Variants in PLA2G12B observed in about 807,000 individuals in gnomAD.
PLA2G12B encodes phospholipase A2 group XIIB.
PLA2G12B carries 19 observed loss-of-function variants against 22.3 expected under a neutral mutation model. The ratio of observed to expected loss-of-function variants is 0.85; its 90% CI spans 0.60 to 1.25. The LOEUF is 1.25. Among genes scored for constraint, PLA2G12B ranks in the 50% most tolerant of loss-of-function variants. PLA2G12B has a pLI of 0.00. For missense variants in PLA2G12B, 191 were observed against 246.6 expected (o/e 0.77, Z 1.51); for synonymous variants, 81 against 94.9 (o/e 0.85, Z 0.85).
chr10:72,954,371 T>C (rs1846582042), intron 1 of PLA2G12B, 104 bp downstream of exon 1: 1 of 1,409,670 alleles, frequency 7.1e-7, no homozygotes, highest in Non-Finnish European at 9.9e-7. Flanking sequence ...CTGGCAGCTC[T>C]AAGTGGATAA....
At chr10:72,947,895 C>T (rs974401016) in intron 1 of PLA2G12B, among the ~76,000 whole-genome samples, 1 of 152,130 alleles carries the variant, frequency 6.6e-6, no homozygotes, top group Admixed American at 6.6e-5. Flanking sequence ...TCTCTTCTTA[C>T]GAGGACACTA....
chr10:72,942,693 C>A lies in PLA2G12B; in HGVS notation c.259G>T (p.Gly87Cys), dbSNP rs1382776553. ...RPGYKPQEPN[G>C]CGSYFLGLKV... ...AGACCCAGGAAATAGGAGCCGCAGC[C>A]ATTGGGCTCTTGGGGCTTGTAGCCA... Residue 87 changes from glycine (G) to cysteine (C), a missense_variant, in exon 2 of 4, where the codon GGC becomes TGC. Physicochemically the swap from Gly to Cys is radical, Grantham distance 159 (BLOSUM62 -3). Transcript: ENST00000373032. 2 of 1,608,702 alleles carry A rather than the reference C, an allele frequency of 1.2e-6. No individual in the cohort carries two copies. Among genetic ancestry groups the A allele is most frequent in the Admixed American group, 1.7e-5 (1 of 59,492 alleles).
intron 3 of PLA2G12B, among the ~76,000 whole-genome samples, chr10:72,937,390 AG>A (rs1270053738): frequency 2.0e-5 from 3 of 152,226 alleles, no homozygotes; most frequent in Non-Finnish European, 4.4e-5. Flanking sequence ...TACTAACCCA[AG>A]CTCGTGATTT....
intron 1 of PLA2G12B, among the ~76,000 whole-genome samples, chr10:72,953,913 C>T (rs1297626797): frequency 6.6e-6 from 1 of 152,218 alleles, no homozygotes; most frequent in Non-Finnish European, 1.5e-5. Flanking sequence ...GAAAGTCCAG[C>T]AAATTGATGC....
chr10:72,948,041 A>T (rs1589544902), intron 1 of PLA2G12B, among the ~76,000 whole-genome samples: 1 of 152,164 alleles, frequency 6.6e-6, no homozygotes, highest in East Asian at 1.9e-4. Flanking sequence ...CGCCCGGCTA[A>T]TTTTTTGTGT....
At position 72,935,161 on chromosome 10, in the gene PLA2G12B, A is replaced by T. The variant is rs1788425579; in HGVS notation, c.*456T>A. The T allele has an allele frequency of 6.5e-6, 1 of 154,798 alleles. No homozygotes were observed. The highest frequency in any genetic ancestry group is 6.5e-5 in the Admixed American group (1 of 15,436). The allele number at this position is 154,798 out of a possible 1,614,324, so 9.6% of individuals were successfully genotyped here. A position where few individuals can be genotyped will look rare whatever the true frequency, so the allele number is the denominator to read the frequency against. ...ATGGAAGCACATTGGTGATAATGGA[A>T]TTCATTCATCTCTTTCCAAATGTTC... is the stretch of plus-strand genomic sequence containing the variant. On this transcript the variant is annotated 3_prime_UTR_variant, in exon 4 of 4. Coordinates refer to ENST00000373032, the MANE Select transcript of PLA2G12B (RefSeq NM_032562.5).
chr10:72,943,212 C>T (rs971754704), intron 1 of PLA2G12B, among the ~76,000 whole-genome samples: 35 of 152,264 alleles, frequency 2.3e-4, no homozygotes, highest in Middle Eastern at 3.4e-3. Context: ...GTGATCCACC[C>T]GCCTTGGCCT....
At chr10:72,945,986 A>G (rs988267846) in intron 1 of PLA2G12B, among the ~76,000 whole-genome samples, 2 of 152,254 alleles carry the variant, frequency 1.3e-5, no homozygotes, top group Admixed American at 6.5e-5. Flanking sequence ...TATTTTTTCT[A>G]TGACAGCTTT....
intron 1 of PLA2G12B, among the ~76,000 whole-genome samples, chr10:72,945,652 TG>T (rs1332816534): frequency 7.3e-6 from 1 of 136,874 alleles, no homozygotes; most frequent in Non-Finnish European, 1.5e-5. Flanking sequence ...GCCATTATGA[TG>T]TTTTTTTTTT....
chr10:72,953,595 A>G (rs1222875022), intron 1 of PLA2G12B, among the ~76,000 whole-genome samples: 1 of 152,176 alleles, frequency 6.6e-6, no homozygotes, highest in African/African-American at 2.4e-5. Context: ...AAACGTTTTC[A>G]TGCGCATTGG....
chr10:72,940,733 C>A (rs1173006751), intron 3 of PLA2G12B, among the ~76,000 whole-genome samples: 5 of 150,154 alleles, frequency 3.3e-5, no homozygotes, highest in Non-Finnish European at 7.4e-5. Context: ...GACCTTTATG[C>A]AGAAAAGGTT....
At chr10:72,954,421 T>C in intron 1 of PLA2G12B, 54 bp downstream of exon 1, 1 of 1,609,344 alleles carries the variant, frequency 6.2e-7, no homozygotes, top group Non-Finnish European at 8.5e-7. Context: ...TCTCTGGGGC[T>C]GTCCATGGGT....
chr10:72,954,488 G>C lies in PLA2G12B; in HGVS notation c.198C>G (p.Tyr66Ter). 6.2e-7 allele frequency: 1 copy of C among 1,614,194 alleles called. No individual in the cohort carries two copies. Among genetic ancestry groups the C allele is most frequent in the Non-Finnish European group, 8.5e-7 (1 of 1,180,036 alleles). The change falls in exon 1 of 4, where the codon TAC becomes TAG. Residue 66 changes from tyrosine (Y) to a stop codon, truncating the protein, a stop_gained. Transcript: ENST00000373032. LOFTEE classifies it high-confidence loss of function. The part of the protein sequence containing the change: ...LLGGKNGVCQ[Y>*]RCRYGKAPMP... The stretch of plus-strand genomic sequence containing the variant: ...CCGCACACTCACCATATCGGCACCT[G>C]TACTGACAGACTCCATTCTTCCCTC...
intron 1 of PLA2G12B, 33 bp downstream of exon 1, chr10:72,954,442 C>G (rs1380090420): frequency 6.2e-7 from 1 of 1,613,974 alleles, no homozygotes; most frequent in South Asian, 1.1e-5. Context: ...CCACCAGCAA[C>G]AGTTTTTACA....
In PLA2G12B at chr10:72,941,189, C is replaced by A. The variant is rs148329663; in HGVS notation, c.446G>T (p.Gly149Val). 15 of 1,614,002 alleles carry A rather than the reference C, an allele frequency of 9.3e-6. No homozygotes were observed. The highest frequency in any genetic ancestry group is 1.3e-5 in the Non-Finnish European group (15 of 1,180,014). Residue 149 changes from glycine to valine, a missense_variant, in exon 3 of 4, where the codon GGC (glycine) becomes GTC (valine). By Grantham distance (109) the Gly-to-Val change is moderately radical. Coordinates refer to ENST00000373032, the MANE Select transcript of PLA2G12B (RefSeq NM_032562.5). ...SICSDLKRSL[G>V]FVSKVEAACD... ...CCTACCTTCCACTTTGGAGACAAAG[C>A]CCAGACTCCGCTTAAGGTCAGAGCA... is the stretch of plus-strand genomic sequence containing the variant.
Position 72,941,212 on chromosome 10 carries a change from G to A in PLA2G12B, c.423C>T (p.Cys141=), listed in dbSNP as rs771774625. 1.2e-6 allele frequency: 2 copies of A among 1,614,174 alleles called. No homozygotes were observed. Among genetic ancestry groups the A allele is most frequent in the South Asian group, 1.1e-5 (1 of 91,076 alleles). ...AGCCCAGACTCCGCTTAAGGTCAGA[G>A]CAGATCGAGTGGAGACACCATCGGA... ...AKFRWCLHSI[C]SDLKRSLGFV... Residue 141 remains cysteine (C), a synonymous_variant, in exon 3 of 4, where the codon TGC becomes TGT. Coordinates refer to ENST00000373032, the MANE Select transcript of PLA2G12B (RefSeq NM_032562.5).
At position 72,942,585 on chromosome 10, in the gene PLA2G12B, A is replaced by G. The variant is rs1018894545; in HGVS notation, c.300+67T>C. ...TTTCCAGAAATAATCACTTCCATCA[A>G]GGATAACTCTAGGATTGCTCTCAGT... On this transcript the variant is annotated intron_variant, in intron 2 of 3. Coordinates refer to ENST00000373032, the MANE Select transcript of PLA2G12B (RefSeq NM_032562.5). 12 of 1,266,792 alleles carry G rather than the reference A, an allele frequency of 9.5e-6. No homozygotes were observed. The African/African-American group carries it at 1.7e-4, about 18-fold the overall frequency. The allele number at this position is 1,266,792 out of a possible 1,614,324, so 78.5% of individuals were successfully genotyped here. A position where few individuals can be genotyped will look rare whatever the true frequency, so the allele number is the denominator to read the frequency against.
At position 72,935,439 on chromosome 10, in the gene PLA2G12B, T is replaced by C; in HGVS notation, c.*178A>G. Reference sequence around the variant, plus strand: ...CTTTCAAACCACTCCATGTCTTTTTTCAAATTTCCTCAAAGGATAGGACTC... The same window carrying C: ...CTTTCAAACCACTCCATGTCTTTTTCCAAATTTCCTCAAAGGATAGGACTC... On this transcript the variant is annotated 3_prime_UTR_variant, in exon 4 of 4. Coordinates refer to ENST00000373032, the MANE Select transcript of PLA2G12B (RefSeq NM_032562.5). 2 of 918,448 alleles carry C rather than the reference T, an allele frequency of 2.2e-6. No homozygotes were observed. Among genetic ancestry groups the C allele is most frequent in the Admixed American group, 2.6e-5 (1 of 37,954 alleles). The allele number at this position is 918,448 out of a possible 1,614,324, so 56.9% of individuals were successfully genotyped here. A position where few individuals can be genotyped will look rare whatever the true frequency, so the allele number is the denominator to read the frequency against.
chr10:72,946,920 TTC>T lies in PLA2G12B; in HGVS notation c.212-4182_212-4181del, dbSNP rs532139447. On this transcript the variant is annotated intron_variant, in intron 1 of 3. Transcript: ENST00000373032. ...GTGTAACTATTTATTTGTTTTCATCTTCTTTTTTTTTTTTAAGAGATGGGGTC... is the reference window on the plus strand; with the variant it reads ...GTGTAACTATTTATTTGTTTTCATCTTTTTTTTTTTTTAAGAGATGGGGTC... Among the ~76,000 whole-genome samples the T allele has an allele frequency of 5.3e-5, 8 of 151,962 alleles. No homozygotes were observed. In the South Asian group the frequency reaches 6.2e-4, roughly 12 times the overall value.
Sources: allele counts gnomAD v4.1 joint callset (sites outside exome capture counted in the v4.1 genomes callset), GRCh38; gene constraint gnomAD v4.1.1; transcripts MANE v1.5; gene names NCBI Gene and HGNC (gene_info 2026-07-23, HGNC 2026-07-21).